KAZN: variants seen among roughly 807,000 people sequenced by gnomAD.
KAZN encodes the protein kazrin.
Under a neutral mutation model 87.4 loss-of-function variants are expected in KAZN, and 40 were observed. That is an observed-to-expected ratio of 0.46 (90% CI 0.36 to 0.60). The LOEUF (loss-of-function observed/expected upper bound fraction) is 0.60, where lower values mean the gene tolerates loss of function less well. KAZN is among the 20% of genes least tolerant of loss of function. KAZN has a pLI of 0.00. For missense variants in KAZN, 898 were observed against 1,073.9 expected (o/e 0.84, Z 2.29); for synonymous variants, 466 against 458.3 (o/e 1.02, Z -0.22).
intron 1 of KAZN, among the ~76,000 whole-genome samples, chr1:13,923,037 T>C (rs1378066358): frequency 6.6e-6 from 1 of 152,112 alleles, no homozygotes; most frequent in Non-Finnish European, 1.5e-5. Context: ...AGCTGGAACA[T>C]AGAGTTGACC....
chr1:14,597,787 TG>T (rs1484459821), upstream of KAZN, among the ~76,000 whole-genome samples: 1 of 152,102 alleles, frequency 6.6e-6, no homozygotes, highest in East Asian at 1.9e-4. Flanking sequence ...AAGTTTGCTA[TG>T]GTAACAAGGT....
At chr1:15,103,678 G>A (rs1343287393) in intron 12 of KAZN, among the ~76,000 whole-genome samples, 1 of 151,496 alleles carries the variant, frequency 6.6e-6, no homozygotes, top group Non-Finnish European at 1.5e-5. Flanking sequence ...TTCAGGAGGA[G>A]GGAACTGCTT....
At chr1:14,379,903 T>C (rs1247219215) in intron 2 of KAZN, among the ~76,000 whole-genome samples, 1 of 152,126 alleles carries the variant, frequency 6.6e-6, no homozygotes, top group Non-Finnish European at 1.5e-5. Flanking sequence ...GCAGTGGTTA[T>C]AGTGGGCCTT....
At chr1:14,854,831 T>A (rs1301231808) in intron 1 of KAZN, among the ~76,000 whole-genome samples, 1 of 152,070 alleles carries the variant, frequency 6.6e-6, no homozygotes, top group Non-Finnish European at 1.5e-5. Flanking sequence ...AAGGGAAGTA[T>A]CTCTTTGATA....
At chr1:15,070,478 G>A (rs1639456722) in intron 8 of KAZN, among the ~76,000 whole-genome samples, 1 of 152,156 alleles carries the variant, frequency 6.6e-6, no homozygotes, top group Non-Finnish European at 1.5e-5. Context: ...GATCCTGAGG[G>A]GTAGTGCAGC....
chr1:14,411,923 C>T (rs1664340987), intron 2 of KAZN, among the ~76,000 whole-genome samples: 1 of 152,178 alleles, frequency 6.6e-6, no homozygotes, highest in South Asian at 2.1e-4. Flanking sequence ...GTAAAATAGA[C>T]ACAATTAGAG....
chr1:13,995,229 A>AG (rs1217544167), intron 1 of KAZN, among the ~76,000 whole-genome samples: 2 of 152,008 alleles, frequency 1.3e-5, no homozygotes, highest in African/African-American at 4.8e-5. Flanking sequence ...CAAAAAAAAA[A>AG]AAAAAATCCT....
At chr1:14,741,151 G>A (rs939457123) in intron 1 of KAZN, among the ~76,000 whole-genome samples, 10 of 152,296 alleles carry the variant, frequency 6.6e-5, no homozygotes, top group East Asian at 1.9e-4. Flanking sequence ...CTCTGCATCC[G>A]AGGCCTGAAT....
intron 2 of KAZN, among the ~76,000 whole-genome samples, chr1:14,309,243 G>A (rs1655125963): frequency 6.6e-6 from 1 of 152,192 alleles, no homozygotes. Context: ...TTAGATTTTT[G>A]TCAGATGCCA....
intron 1 of KAZN, among the ~76,000 whole-genome samples, chr1:14,025,293 G>A (rs1035681012): frequency 6.6e-6 from 1 of 152,166 alleles, no homozygotes; most frequent in African/African-American, 2.4e-5. Flanking sequence ...CAATCTATGA[G>A]GCAGCTCTGC....
At chr1:13,983,330 G>T (rs1392138871) in intron 1 of KAZN, among the ~76,000 whole-genome samples, 1 of 152,256 alleles carries the variant, frequency 6.6e-6, no homozygotes, top group Non-Finnish European at 1.5e-5. Context: ...CTAAGGCCCA[G>T]CGAGAAATCC....
At chr1:13,915,893 A>G (rs1366847060) in intron 1 of KAZN, among the ~76,000 whole-genome samples, 1 of 152,226 alleles carries the variant, frequency 6.6e-6, no homozygotes, top group African/African-American at 2.4e-5. Context: ...AACTAATTCT[A>G]GATGGAAAAC....
At chr1:14,162,444 A>G (rs956997480) in intron 1 of KAZN, among the ~76,000 whole-genome samples, 1 of 151,994 alleles carries the variant, frequency 6.6e-6, no homozygotes, top group Non-Finnish European at 1.5e-5. Flanking sequence ...AGAAACCCCA[A>G]TTTTACTGTA....
At chr1:15,102,762 C>T (rs1279846909) in intron 11 of KAZN, among the ~76,000 whole-genome samples, 1 of 152,216 alleles carries the variant, frequency 6.6e-6, no homozygotes, top group Non-Finnish European at 1.5e-5. Context: ...CTGGAATCAG[C>T]CAAACATGGG....
At chr1:14,716,330 C>G (rs997287098) in intron 1 of KAZN, among the ~76,000 whole-genome samples, 3 of 152,156 alleles carry the variant, frequency 2.0e-5, no homozygotes, top group African/African-American at 7.2e-5. Flanking sequence ...ATGCAGCGTT[C>G]TCTCCAAAAT....
chr1:15,095,073 G>A (rs943256279), intron 10 of KAZN, 140 bp downstream of exon 10: 1 of 637,040 alleles, frequency 1.6e-6, no homozygotes, highest in Non-Finnish European at 2.8e-6. Flanking sequence ...ATGGTCCGGG[G>A]ATGCCCCTGA....
intron 2 of KAZN, among the ~76,000 whole-genome samples, chr1:14,976,624 G>GGGCTTCTTGGTTGGTTT (rs1334071773): frequency 2.0e-5 from 3 of 152,196 alleles, no homozygotes; most frequent in South Asian, 4.1e-4. Flanking sequence ...AGGCCGGGAG[G>GGGCTTCTTGGTTGGTTT]GGCTTCTTGG....
intron 1 of KAZN, among the ~76,000 whole-genome samples, chr1:14,720,671 C>T (rs2100282034): frequency 6.6e-6 from 1 of 152,304 alleles, no homozygotes; most frequent in Middle Eastern, 3.4e-3. Context: ...ACAGACTGCC[C>T]TTCGCTCACA....
At chr1:13,998,634 T>C (rs879560643) in intron 1 of KAZN, among the ~76,000 whole-genome samples, 1 of 148,020 alleles carries the variant, frequency 6.8e-6, no homozygotes, top group Admixed American at 6.7e-5. Flanking sequence ...AGAAGGGTAA[T>C]GGTAAAGGGA....
Sources: allele counts gnomAD v4.1 joint callset (sites outside exome capture counted in the v4.1 genomes callset), GRCh38; gene constraint gnomAD v4.1.1; transcripts MANE v1.5; gene names NCBI Gene and HGNC (gene_info 2026-07-23, HGNC 2026-07-21).